Variants in TTC28 observed in about 807,000 individuals in gnomAD.
The protein encoded by TTC28 is tetratricopeptide repeat protein 28.
In TTC28, 61 loss-of-function variants were observed where a neutral mutation model predicts 198.0. That is an observed-to-expected ratio of 0.31 (90% confidence interval 0.25 to 0.38). The LOEUF (loss-of-function observed/expected upper bound fraction) is 0.38, where lower values mean the gene tolerates loss of function less well. TTC28 is among the 10% of genes least tolerant of loss of function. The pLI is 1.00. For missense variants in TTC28, 2,678 were observed against 3,164.0 expected (o/e 0.85, Z 3.69); for synonymous variants, 1,171 against 1,297.8 (o/e 0.90, Z 2.10).
At chr22:28,159,433 A>G (rs1481096654) in intron 6 of TTC28, among the ~76,000 whole-genome samples, 1 of 152,208 alleles carries the variant, frequency 6.6e-6, no homozygotes, top group African/African-American at 2.4e-5. Context: ...AGGCAGGCAG[A>G]TCACAAGGTC....
chr22:28,239,955 C>T (rs1929547786), intron 5 of TTC28, among the ~76,000 whole-genome samples: 1 of 152,194 alleles, frequency 6.6e-6, no homozygotes, highest in South Asian at 2.1e-4. Context: ...TCACTACTGA[C>T]ATTTGGGAAT....
chr22:28,038,555 C>T (rs904669098), intron 12 of TTC28, among the ~76,000 whole-genome samples: 3 of 152,130 alleles, frequency 2.0e-5, no homozygotes, highest in African/African-American at 7.2e-5. Context: ...AGACCGAAAA[C>T]CATAAAAACC....
At chr22:28,158,960 A>C (rs1339080286) in intron 6 of TTC28, among the ~76,000 whole-genome samples, 3 of 152,234 alleles carry the variant, frequency 2.0e-5, no homozygotes, top group African/African-American at 7.2e-5. Context: ...GGATACCATC[A>C]ACAAAGTGAA....
At chr22:28,658,601 T>C (rs774640361) in intron 1 of TTC28, among the ~76,000 whole-genome samples, 1 of 152,148 alleles carries the variant, frequency 6.6e-6, no homozygotes, top group Non-Finnish European at 1.5e-5. Context: ...GTTATAGAGA[T>C]GGATAATGGT....
chr22:28,401,235 C>T (rs1054247108), intron 2 of TTC28, among the ~76,000 whole-genome samples: 1 of 151,436 alleles, frequency 6.6e-6, no homozygotes, highest in South Asian at 2.1e-4. Context: ...ACGACGATGA[C>T]GACGACGACG....
At chr22:28,085,983 C>T (rs949945344) in intron 12 of TTC28, among the ~76,000 whole-genome samples, 2 of 152,130 alleles carry the variant, frequency 1.3e-5, no homozygotes, top group African/African-American at 4.8e-5. Flanking sequence ...TATATATGCA[C>T]CCAATACAGG....
chr22:28,270,236 G>A (rs1020797429), intron 5 of TTC28, among the ~76,000 whole-genome samples: 2 of 152,118 alleles, frequency 1.3e-5, no homozygotes, highest in Non-Finnish European at 2.9e-5. Context: ...AAAGGCCGAT[G>A]ACAAAAAGAG....
intron 2 of TTC28, among the ~76,000 whole-genome samples, chr22:28,591,962 G>T (rs973428722): frequency 6.6e-6 from 1 of 152,158 alleles, no homozygotes. Flanking sequence ...GGGCGGAGCT[G>T]GGGGGAGGGT....
At chr22:28,054,453 A>T (rs975140556) in intron 12 of TTC28, among the ~76,000 whole-genome samples, 1 of 152,166 alleles carries the variant, frequency 6.6e-6, no homozygotes, top group Non-Finnish European at 1.5e-5. Flanking sequence ...TTCATTTTAA[A>T]ATCAGGGTTT....
At chr22:28,516,395 T>G (rs2048787215) in intron 2 of TTC28, among the ~76,000 whole-genome samples, 1 of 152,150 alleles carries the variant, frequency 6.6e-6, no homozygotes, top group Non-Finnish European at 1.5e-5. Flanking sequence ...TGCCACGCTT[T>G]AGGATAATAT....
intron 12 of TTC28, among the ~76,000 whole-genome samples, chr22:28,075,216 C>T (rs1207702267): frequency 6.6e-6 from 1 of 152,136 alleles, no homozygotes; most frequent in Non-Finnish European, 1.5e-5. Flanking sequence ...TGCTAAGCTG[C>T]TGACTTACAC....
At chr22:28,510,116 T>C (rs994323605) in intron 2 of TTC28, among the ~76,000 whole-genome samples, 4 of 152,180 alleles carry the variant, frequency 2.6e-5, no homozygotes, top group Admixed American at 2.0e-4. Flanking sequence ...GAAGACCTGG[T>C]GCTATTTCTA....
intron 2 of TTC28, among the ~76,000 whole-genome samples, chr22:28,316,492 C>A (rs1385245666): frequency 6.6e-6 from 1 of 151,950 alleles, no homozygotes; most frequent in Non-Finnish European, 1.5e-5. Context: ...TCTTGTTTTT[C>A]ATTGGCATTA....
intron 2 of TTC28, among the ~76,000 whole-genome samples, chr22:28,593,481 G>C (rs924535130): frequency 8.4e-5 from 12 of 142,658 alleles, no homozygotes; most frequent in South Asian, 4.2e-4. Context: ...AGGTAGGTAG[G>C]TAGGTAGGTA....
intron 6 of TTC28, among the ~76,000 whole-genome samples, chr22:28,120,061 G>A (rs1191024698): frequency 1.3e-5 from 2 of 151,954 alleles, no homozygotes; most frequent in African/African-American, 4.8e-5. Context: ...TAAGGGAGAG[G>A]GGAACCCTTC....
intron 1 of TTC28, among the ~76,000 whole-genome samples, chr22:28,647,813 T>C (rs1269486301): frequency 6.6e-6 from 1 of 151,752 alleles, no homozygotes; most frequent in Non-Finnish European, 1.5e-5. Context: ...CACTCCAGCC[T>C]GGGCGACAGA....
chr22:28,313,533 C>A (rs1052846087), intron 2 of TTC28, among the ~76,000 whole-genome samples: 1 of 152,180 alleles, frequency 6.6e-6, no homozygotes, highest in Non-Finnish European at 1.5e-5. Context: ...ACGGCTTCAT[C>A]CCTGGGATGC....
intron 21 of TTC28, among the ~76,000 whole-genome samples, chr22:27,988,756 C>T (rs189165138): frequency 1.1e-4 from 16 of 152,228 alleles, no homozygotes; most frequent in East Asian, 5.8e-4. Context: ...CCCCCTACCC[C>T]GCCCCGACCC....
chr22:28,105,891 A>C, intron 7 of TTC28, 89 bp from the exon 8 acceptor site: 1 of 1,397,866 alleles, frequency 7.2e-7, no homozygotes, highest in East Asian at 2.5e-5. Flanking sequence ...AGCATTTGTC[A>C]CTGTCACTTA....
Sources: allele counts gnomAD v4.1 joint callset (sites outside exome capture counted in the v4.1 genomes callset), GRCh38; gene constraint gnomAD v4.1.1; transcripts MANE v1.5; gene names NCBI Gene and HGNC (gene_info 2026-07-23, HGNC 2026-07-21).